The following STARD13 variants were observed in gnomAD, a reference collection of about 807,000 sequenced individuals.
The protein encoded by STARD13 is StAR related lipid transfer domain containing 13.
Under a neutral mutation model 106.4 loss-of-function variants are expected in STARD13, and 62 were observed. The observed-to-expected ratio is 0.58, with a 90% CI of 0.48 to 0.72. The LOEUF (loss-of-function observed/expected upper bound fraction) is 0.72, where lower values mean the gene tolerates loss of function less well. Among genes scored for constraint, STARD13 ranks in the 30% least tolerant of loss-of-function variants. The pLI is 0.00. For synonymous variants in STARD13, 565 were observed against 553.0 expected (o/e 1.02, Z -0.31); for missense variants, 1,387 against 1,424.0 (o/e 0.97, Z 0.42).
chr13:33,350,772 G>A, upstream of STARD13: 1 of 615,980 alleles, frequency 1.6e-6, no homozygotes, highest in Non-Finnish European at 2.0e-6. Context: ...CCAGGAGCGC[G>A]CTTCCCCTTC....
chr13:33,549,603 T>A, the STARD13 span, among the ~76,000 whole-genome samples: 2 of 152,254 alleles, frequency 1.3e-5, no homozygotes, highest in Non-Finnish European at 2.9e-5. Context: ...TAACATCATC[T>A]TCATCATCAC....
At chr13:33,201,160 C>T (rs1299079431) in intron 1 of STARD13, among the ~76,000 whole-genome samples, 1 of 152,102 alleles carries the variant, frequency 6.6e-6, no homozygotes, top group Non-Finnish European at 1.5e-5. Context: ...GGAAATGTTC[C>T]TGCCCACTAG....
At chr13:33,544,588 C>T in the STARD13 span, among the ~76,000 whole-genome samples, 1 of 152,072 alleles carries the variant, frequency 6.6e-6, no homozygotes, top group African/African-American at 2.4e-5. Context: ...TGGATGTAAG[C>T]TTCCCCCTCT....
chr13:33,650,091 A>G, the STARD13 span, among the ~76,000 whole-genome samples: 145 of 144,780 alleles, frequency 1.0e-3, no homozygotes, highest in African/African-American at 3.6e-3. Flanking sequence ...GGGGATGAAG[A>G]GTGACAAACA....
intron 7 of STARD13, among the ~76,000 whole-genome samples, chr13:33,121,669 CTTT>C (rs398022242): frequency 5.4e-5 from 6 of 110,442 alleles, no homozygotes; most frequent in Non-Finnish European, 5.2e-5. Flanking sequence ...GTTGTTCATC[CTTT>C]TTTTTTTTTT....
the STARD13 span, among the ~76,000 whole-genome samples, chr13:33,656,610 G>A: frequency 7.2e-5 from 11 of 152,162 alleles, no homozygotes; most frequent in South Asian, 2.1e-4. Flanking sequence ...CTAATTTGCC[G>A]GAGAATCTTA....
intron 1 of STARD13, among the ~76,000 whole-genome samples, chr13:33,260,636 C>T (rs1050972279): frequency 5.3e-5 from 8 of 152,158 alleles, no homozygotes; most frequent in Non-Finnish European, 1.0e-4. Context: ...TTACCCAATC[C>T]GTTCATTCAG....
At chr13:33,177,800 GA>G (rs369256529) in intron 1 of STARD13, among the ~76,000 whole-genome samples, 584 of 14,602 alleles carry the variant, frequency 0.04, 86 homozygotes, top group African/African-American at 0.15. Flanking sequence ...AGGAAGGAAG[GA>G]AAGGAAGGAA....
the STARD13 span, among the ~76,000 whole-genome samples, chr13:33,617,987 T>C: frequency 6.6e-6 from 1 of 152,186 alleles, no homozygotes; most frequent in Non-Finnish European, 1.5e-5. Context: ...GCATTTTGAA[T>C]GATATAAGGA....
chr13:33,538,998 T>C, the STARD13 span, among the ~76,000 whole-genome samples: 1 of 152,150 alleles, frequency 6.6e-6, no homozygotes, highest in Non-Finnish European at 1.5e-5. Flanking sequence ...CTCAATCTCC[T>C]GACCTTGTGA....
the STARD13 span, among the ~76,000 whole-genome samples, chr13:33,660,798 G>T: frequency 2.0e-5 from 3 of 152,108 alleles, no homozygotes; most frequent in Non-Finnish European, 4.4e-5. Flanking sequence ...TGCACAGGCT[G>T]GTCTTGAACT....
At chr13:33,428,257 T>A in the STARD13 span, among the ~76,000 whole-genome samples, 1 of 152,178 alleles carries the variant, frequency 6.6e-6, no homozygotes, top group Admixed American at 6.5e-5. Flanking sequence ...CTTCATGTCA[T>A]TGGTCTATGC....
At chr13:33,237,589 T>C (rs907685521) in intron 1 of STARD13, among the ~76,000 whole-genome samples, 2 of 152,248 alleles carry the variant, frequency 1.3e-5, no homozygotes, top group African/African-American at 4.8e-5. Flanking sequence ...ATCCTAACTT[T>C]GGTGCTAGAA....
chr13:33,143,866 C>T (rs979136947), intron 3 of STARD13, among the ~76,000 whole-genome samples: 8 of 152,152 alleles, frequency 5.3e-5, no homozygotes, highest in African/African-American at 1.7e-4. Flanking sequence ...CCAGTTTTGA[C>T]CAATGAATTT....
chr13:33,151,624 C>G (rs1286600040), intron 3 of STARD13, among the ~76,000 whole-genome samples: 1 of 152,116 alleles, frequency 6.6e-6, no homozygotes, highest in Non-Finnish European at 1.5e-5. Context: ...AGGGATAAGC[C>G]TGGACAAGCA....
At chr13:33,235,855 T>C (rs1445836976) in intron 1 of STARD13, among the ~76,000 whole-genome samples, 1 of 152,252 alleles carries the variant, frequency 6.6e-6, no homozygotes, top group Admixed American at 6.5e-5. Context: ...TAAGAAACAT[T>C]GCATTAGCAG....
At chr13:33,451,666 A>T in the STARD13 span, among the ~76,000 whole-genome samples, 4 of 152,200 alleles carry the variant, frequency 2.6e-5, no homozygotes, top group African/African-American at 9.6e-5. Context: ...GTGGAATATC[A>T]ATGATGTTTT....
intron 1 of STARD13, among the ~76,000 whole-genome samples, chr13:33,174,280 A>G (rs1301928470): frequency 2.0e-5 from 3 of 152,104 alleles, no homozygotes; most frequent in Non-Finnish European, 4.4e-5. Context: ...ATTAACATAT[A>G]TATATACTAT....
Position 33,128,987 on chromosome 13 carries a change from G to C in STARD13, c.1690C>G (p.Pro564Ala). Residue 564 changes from proline to alanine, a missense_variant, in exon 5 of 14, where the codon CCT becomes GCT. By Grantham distance (27) the Pro-to-Ala change is conservative (BLOSUM62 -1). Transcript: ENST00000336934. ...DVTSLNESEP[P>A]GVRDRRDSGV... ...GAATCCCTCCTGTCTCTGACCCCAG[G>C]AGGCTCAGATTCATTAAGAGATGTT... 6.2e-7 allele frequency: 1 copy of C among 1,614,078 alleles called. No homozygotes were observed. Among genetic ancestry groups the C allele is most frequent in the Non-Finnish European group, 8.5e-7 (1 of 1,180,024 alleles).
Sources: gnomAD v4.1 joint callset for allele counts (sites outside exome capture counted in the v4.1 genomes callset) on GRCh38, gnomAD v4.1.1 for gene constraint, MANE v1.5 for transcripts, NCBI Gene and HGNC (gene_info 2026-07-23, HGNC 2026-07-21) for gene names.